The following RBFOX1 variants were observed in gnomAD, a reference collection of about 807,000 sequenced individuals.
RBFOX1 encodes RNA binding fox-1 homolog 1.
In RBFOX1, 8 loss-of-function variants were observed where a neutral mutation model predicts 57.7. The observed-to-expected ratio is 0.14, with a 90% CI of 0.08 to 0.25. RBFOX1 has a LOEUF of 0.25. RBFOX1 is among the 10% of genes least tolerant of loss of function. The pLI is 1.00. For synonymous variants in RBFOX1, 326 were observed against 222.4 expected (o/e 1.47, Z -4.15); for missense variants, 611 against 548.5 (o/e 1.11, Z -1.14).
intron 2 of RBFOX1, among the ~76,000 whole-genome samples, chr16:5,490,160 C>T (rs973366315): frequency 7.9e-5 from 12 of 152,216 alleles, no homozygotes; most frequent in Admixed American, 6.5e-5. Context: ...CTTTCTGTGG[C>T]CACGCAGTGA....
chr16:7,252,408 C>T (rs531632179), intron 4 of RBFOX1, among the ~76,000 whole-genome samples: 1 of 152,238 alleles, frequency 6.6e-6, no homozygotes, highest in South Asian at 2.1e-4. Flanking sequence ...AGGTCTTCAA[C>T]TGACAGTTCC....
intron 2 of RBFOX1, chr16:6,483,826 A>G (rs1377906988): frequency 9.2e-6 from 12 of 1,304,822 alleles, no homozygotes; most frequent in Middle Eastern, 3.0e-4. Context: ...GCTGATTAGA[A>G]TAGGGGACTT....
At chr16:6,399,030 C>A (rs56927554) in intron 2 of RBFOX1, among the ~76,000 whole-genome samples, 1 of 152,120 alleles carries the variant, frequency 6.6e-6, no homozygotes, top group African/African-American at 2.4e-5. Flanking sequence ...GTTCCCAAAC[C>A]TCAATGCTTG....
intron 1 of RBFOX1, among the ~76,000 whole-genome samples, chr16:6,297,667 C>G (rs917919437): frequency 6.6e-6 from 1 of 151,996 alleles, no homozygotes; most frequent in African/African-American, 2.4e-5. Flanking sequence ...TTTGGCCCAC[C>G]ACACCCCCCT....
At chr16:6,520,842 G>T (rs74922995) in intron 2 of RBFOX1, among the ~76,000 whole-genome samples, 1,820 of 152,200 alleles carry the variant, frequency 0.012, 40 homozygotes, top group African/African-American at 0.042. Flanking sequence ...TTCCAAAAAG[G>T]ACTTTGAAGT....
At chr16:6,471,143 T>C (rs146895144) in intron 2 of RBFOX1, among the ~76,000 whole-genome samples, 2 of 152,292 alleles carry the variant, frequency 1.3e-5, no homozygotes, top group East Asian at 3.9e-4. Context: ...CATCAACCCT[T>C]TCCATCAGTT....
intron 3 of RBFOX1, among the ~76,000 whole-genome samples, chr16:6,982,774 C>G (rs919689440): frequency 6.6e-5 from 10 of 152,078 alleles, no homozygotes; most frequent in African/African-American, 2.2e-4. Flanking sequence ...AGGTGGATCA[C>G]CTGAGGTCAG....
intron 2 of RBFOX1, among the ~76,000 whole-genome samples, chr16:5,522,141 G>C (rs770561993): frequency 6.6e-6 from 1 of 152,246 alleles, no homozygotes; most frequent in African/African-American, 2.4e-5. Flanking sequence ...CTTTTAAGGA[G>C]TAAGCTCAGC....
At chr16:6,689,070 C>A (rs552773544) in intron 3 of RBFOX1, among the ~76,000 whole-genome samples, 14 of 152,308 alleles carry the variant, frequency 9.2e-5, no homozygotes, top group African/African-American at 3.4e-4. Flanking sequence ...CAAGTCTTTG[C>A]TATTATGAAC....
chr16:5,251,613 A>C (rs2062455203), intron 1 of RBFOX1, among the ~76,000 whole-genome samples: 1 of 152,156 alleles, frequency 6.6e-6, no homozygotes, highest in South Asian at 2.1e-4. Flanking sequence ...TATTAAAGCC[A>C]CTTCCAGGCA....
chr16:6,826,266 C>G (rs1055001558), intron 3 of RBFOX1, among the ~76,000 whole-genome samples: 2 of 152,082 alleles, frequency 1.3e-5, no homozygotes, highest in Non-Finnish European at 2.9e-5. Context: ...AATCCCAGCA[C>G]TTTGGGGAGG....
Position 7,417,866 on chromosome 16 carries a change from G to C in RBFOX1, c.28-100281G>C, listed in dbSNP as rs148984837. Among the ~76,000 whole-genome samples the C allele has an allele frequency of 1.8e-4, 27 of 152,184 alleles. No individual in the cohort carries two copies. In the East Asian group the frequency reaches 5.2e-3, roughly 29 times the overall value. On this transcript the variant is annotated intron_variant, in intron 4 of 15. Transcript: ENST00000550418. ...CTACTTCACTTCTTGACGCACTTTC[G>C]TTCCTCTGTCATCTCCCATCTCCCT... is the stretch of plus-strand genomic sequence containing the variant.
intron 1 of RBFOX1, among the ~76,000 whole-genome samples, chr16:6,156,399 A>C (rs2096838666): frequency 6.6e-6 from 1 of 152,232 alleles, no homozygotes; most frequent in South Asian, 2.1e-4. Flanking sequence ...AAATGCTTTG[A>C]CCAACAATAA....
At position 7,082,662 on chromosome 16, in the gene RBFOX1, A is replaced by G. The variant is rs551412146; in HGVS notation, c.27+30564A>G. ...ATTTCGTTCAGTGTTTAGTAACACA[A>G]CTGTTTAATGAAGGCTTGCAGACTT... On this transcript the variant is annotated intron_variant, in intron 4 of 15. Transcript: ENST00000550418. 2.0e-5 allele frequency among the ~76,000 whole-genome samples: 3 copies of G among 152,364 alleles called. No individual in the cohort carries two copies. The South Asian group carries it at 6.2e-4, about 32-fold the overall frequency.
chr16:6,322,602 A>G (rs1035247613), intron 2 of RBFOX1, among the ~76,000 whole-genome samples: 1 of 152,158 alleles, frequency 6.6e-6, no homozygotes, highest in Non-Finnish European at 1.5e-5. Context: ...TGACCCTATG[A>G]TTATATTTTA....
intron 2 of RBFOX1, among the ~76,000 whole-genome samples, chr16:6,432,514 AT>A (rs1356719728): frequency 2.2e-4 from 32 of 147,374 alleles, no homozygotes; most frequent in Non-Finnish European, 3.9e-4. Context: ...TTTACTAAAA[AT>A]ACAAAAAAAA....
chr16:6,763,416 G>A, intron 3 of RBFOX1, among the ~76,000 whole-genome samples: 1 of 152,176 alleles, frequency 6.6e-6, no homozygotes, highest in East Asian at 1.9e-4. Flanking sequence ...CATTCAACCA[G>A]CAAACTGTAT....
At chr16:6,640,330 C>A (rs760871497) in intron 2 of RBFOX1, among the ~76,000 whole-genome samples, 1 of 152,024 alleles carries the variant, frequency 6.6e-6, no homozygotes, top group African/African-American at 2.4e-5. Flanking sequence ...TCATAGAGGC[C>A]GGGCATAGTG....
chr16:6,905,475 C>T (rs1285173247), intron 3 of RBFOX1, among the ~76,000 whole-genome samples: 1 of 151,850 alleles, frequency 6.6e-6, no homozygotes, highest in Non-Finnish European at 1.5e-5. Context: ...ATGGCTTGAA[C>T]CCGGGAGGCA....
Sources: gnomAD v4.1 joint callset for allele counts (sites outside exome capture counted in the v4.1 genomes callset) on GRCh38, gnomAD v4.1.1 for gene constraint, MANE v1.5 for transcripts, NCBI Gene and HGNC (gene_info 2026-07-23, HGNC 2026-07-21) for gene names.